The following STK32B variants were observed in gnomAD, a reference collection of about 807,000 sequenced individuals.
STK32B encodes serine/threonine-protein kinase 32B.
A neutral mutation model predicts 52.6 loss-of-function variants in STK32B; 43 were observed. The observed-to-expected ratio is 0.82, with a 90% CI of 0.64 to 1.05. The LOEUF is 1.05. Ranked by LOEUF, STK32B falls within the 50% of genes least tolerant of loss-of-function variation. The probability of loss-of-function intolerance (pLI) is 0.00; values close to 1 mark genes in which losing one functional copy is unlikely to be tolerated. For synonymous variants in STK32B, 238 were observed against 204.3 expected (o/e 1.17, Z -1.41); for missense variants, 621 against 534.6 (o/e 1.16, Z -1.59).
At chr4:5,366,648 T>C (rs1734898416) in intron 4 of STK32B, among the ~76,000 whole-genome samples, 1 of 152,210 alleles carries the variant, frequency 6.6e-6, no homozygotes, top group African/African-American at 2.4e-5. Context: ...AAATGGCTTA[T>C]TAATGGGCTC....
intron 3 of STK32B, among the ~76,000 whole-genome samples, chr4:5,329,683 C>T (rs140520914): frequency 6.6e-6 from 1 of 152,342 alleles, no homozygotes; most frequent in African/African-American, 2.4e-5. Flanking sequence ...GCACGTAGCC[C>T]AATGCCTATC....
chr4:5,371,430 C>T (rs879900645), intron 4 of STK32B, among the ~76,000 whole-genome samples: 1 of 152,058 alleles, frequency 6.6e-6, no homozygotes, highest in Admixed American at 6.6e-5. Flanking sequence ...TTTAGCAAAC[C>T]AAAGATGGGT....
At position 5,182,906 on chromosome 4, in the gene STK32B, T is replaced by C. The variant is rs1054915456; in HGVS notation, c.260+14456T>C. ...TAGAGCTCTTGAGTGACCAGGTGTA[T>C]TGTCAACAAGCAGTAATATTTTGAA... On this transcript the variant is annotated intron_variant, in intron 3 of 11. Transcript: ENST00000282908. Among the ~76,000 whole-genome samples, 3 of 152,318 alleles carry C rather than the reference T, an allele frequency of 2.0e-5. No individual in the cohort carries two copies. In the East Asian group the frequency reaches 5.8e-4, roughly 29 times the overall value.
At chr4:5,247,583 C>T (rs1024967799) in intron 3 of STK32B, among the ~76,000 whole-genome samples, 1 of 152,196 alleles carries the variant, frequency 6.6e-6, no homozygotes, top group African/African-American at 2.4e-5. Flanking sequence ...CACTGTCCTG[C>T]ACCCACTGTC....
chr4:5,475,644 G>A (rs1718181669), intron 11 of STK32B, among the ~76,000 whole-genome samples: 1 of 149,874 alleles, frequency 6.7e-6, no homozygotes, highest in Non-Finnish European at 1.5e-5. Flanking sequence ...GTTGCAGCGA[G>A]CCAAGATCAC....
intron 4 of STK32B, among the ~76,000 whole-genome samples, chr4:5,353,549 AAAAAAAAT>A (rs912635627): frequency 5.3e-4 from 81 of 152,166 alleles, no homozygotes; most frequent in African/African-American, 1.9e-3. Flanking sequence ...AACAGTAAAA[AAAAAAAAT>A]AAAAATAAAA....
At chr4:5,413,486 T>C (rs1711882817) in intron 5 of STK32B, among the ~76,000 whole-genome samples, 2 of 152,342 alleles carry the variant, frequency 1.3e-5, no homozygotes, top group Admixed American at 6.5e-5. Flanking sequence ...TCTGCAGTTC[T>C]AGGGAATCAT....
At chr4:5,217,828 G>T (rs1437299456) in intron 3 of STK32B, among the ~76,000 whole-genome samples, 3 of 152,148 alleles carry the variant, frequency 2.0e-5, no homozygotes, top group Admixed American at 2.0e-4. Flanking sequence ...GTCAGCTTCA[G>T]TTAGCCCTTC....
intron 3 of STK32B, among the ~76,000 whole-genome samples, chr4:5,298,377 G>A (rs1223466430): frequency 6.6e-6 from 1 of 152,084 alleles, no homozygotes; most frequent in Non-Finnish European, 1.5e-5. Context: ...TGCTGAAGTT[G>A]CGCCCATAGC....
At chr4:5,309,313 T>A (rs144504951) in intron 3 of STK32B, among the ~76,000 whole-genome samples, 1 of 152,068 alleles carries the variant, frequency 6.6e-6, no homozygotes, top group Non-Finnish European at 1.5e-5. Context: ...ATGACCATAC[T>A]ACAAAAAGTG....
chr4:5,478,823 A>G (rs1718438072), intron 11 of STK32B, among the ~76,000 whole-genome samples: 1 of 152,142 alleles, frequency 6.6e-6, no homozygotes, highest in Non-Finnish European at 1.5e-5. Context: ...GTGACCTCCA[A>G]TGTTCCTAGC....
intron 3 of STK32B, among the ~76,000 whole-genome samples, chr4:5,301,743 TAG>T: frequency 7.9e-6 from 1 of 127,280 alleles, no homozygotes; most frequent in African/African-American, 4.5e-5. Flanking sequence ...TCAGTTCCAT[TAG>T]CTTTTTTTTT....
intron 11 of STK32B, among the ~76,000 whole-genome samples, chr4:5,477,873 G>A (rs2109190533): frequency 6.6e-6 from 1 of 152,250 alleles, no homozygotes; most frequent in South Asian, 2.1e-4. Context: ...AGGACCCCTA[G>A]TGACTGCCCA....
intron 3 of STK32B, among the ~76,000 whole-genome samples, chr4:5,319,990 G>A (rs952260299): frequency 1.3e-5 from 2 of 152,284 alleles, no homozygotes; most frequent in South Asian, 4.1e-4. Flanking sequence ...CTGCAAGGGA[G>A]TCTGTGAAAT....
At chr4:5,305,083 C>T (rs1444187197) in intron 3 of STK32B, among the ~76,000 whole-genome samples, 1 of 151,784 alleles carries the variant, frequency 6.6e-6, no homozygotes, top group African/African-American at 2.4e-5. Context: ...TGTTGGATTC[C>T]CTTAGATAAT....
chr4:5,217,744 C>G (rs962538998), intron 3 of STK32B, among the ~76,000 whole-genome samples: 4 of 152,150 alleles, frequency 2.6e-5, no homozygotes, highest in African/African-American at 9.7e-5. Flanking sequence ...GAACATTTGT[C>G]AGAGTCCCCA....
the STK32B span, among the ~76,000 whole-genome samples, chr4:5,023,837 C>G: frequency 1.3e-5 from 2 of 152,198 alleles, no homozygotes; most frequent in African/African-American, 4.8e-5. Flanking sequence ...GACACAAACC[C>G]TGCTGTGTGT....
chr4:5,222,190 G>C (rs1254156956), intron 3 of STK32B, among the ~76,000 whole-genome samples: 1 of 152,132 alleles, frequency 6.6e-6, no homozygotes, highest in African/African-American at 2.4e-5. Context: ...AACCACCAAG[G>C]CTCAGATATT....
At chr4:5,084,947 C>G (rs1355547559) in intron 1 of STK32B, among the ~76,000 whole-genome samples, 1 of 152,204 alleles carries the variant, frequency 6.6e-6, no homozygotes, top group Non-Finnish European at 1.5e-5. Flanking sequence ...GCAAGGGCCT[C>G]TGGCATGATT....
Sources: allele counts gnomAD v4.1 joint callset (sites outside exome capture counted in the v4.1 genomes callset), GRCh38; gene constraint gnomAD v4.1.1; transcripts MANE v1.5; gene names NCBI Gene and HGNC (gene_info 2026-07-23, HGNC 2026-07-21).